Variants in OAS3 observed in about 807,000 individuals in gnomAD.
OAS3 encodes 2'-5'-oligoadenylate synthase 3.
OAS3 carries 107 observed loss-of-function variants against 113.0 expected under a neutral mutation model. The observed-to-expected ratio is 0.95, with a 90% CI of 0.81 to 1.11. The LOEUF is 1.11. Ranked by LOEUF, OAS3 falls within the 50% of genes most tolerant of loss-of-function variation. The pLI is 0.00. For missense variants in OAS3, 1,258 were observed against 1,389.1 expected, an observed-to-expected ratio of 0.91 and a Z score of 1.50; for synonymous variants, 552 against 573.6, an observed-to-expected ratio of 0.96 and a Z score of 0.54.
At position 112,970,100 on chromosome 12, in the gene OAS3, ATGTGTGTG is replaced by A; in HGVS notation, c.*128_*135del. 3 of 1,100,414 alleles carry A rather than the reference ATGTGTGTG, an allele frequency of 2.7e-6. No individual in the cohort carries two copies. Among genetic ancestry groups the A allele is most frequent in the Non-Finnish European group, 4.1e-6 (3 of 736,754 alleles). The allele number at this position is 1,100,414 out of a possible 1,614,324, so 68.2% of individuals were successfully genotyped here. A position where few individuals can be genotyped will look rare whatever the true frequency, so the allele number is the denominator to read the frequency against. ...CATGTGTGTGTGAGCACATGTGTGC[ATGTGTGTG>A]CACACGTGTGCATGTGTGTGTTTTA... On this transcript the variant is annotated 3_prime_UTR_variant, in exon 16 of 16. Coordinates refer to ENST00000228928, the MANE Select transcript of OAS3 (RefSeq NM_006187.4).
chr12:112,964,026 G>A (rs1038044702), intron 10 of OAS3, among the ~76,000 whole-genome samples: 1 of 152,164 alleles, frequency 6.6e-6, no homozygotes, highest in African/African-American at 2.4e-5. Context: ...ATTTAAACAT[G>A]GGGAAACTGA....
intron 7 of OAS3, among the ~76,000 whole-genome samples, chr12:112,953,204 T>G (rs1033253828): frequency 6.6e-6 from 1 of 151,982 alleles, no homozygotes; most frequent in Admixed American, 6.6e-5. Flanking sequence ...GTTCTCATTG[T>G]TCAGTTCCCA....
chr12:112,951,027 A>C, intron 7 of OAS3, 52 bp downstream of exon 7: 1 of 1,544,908 alleles, frequency 6.5e-7, no homozygotes, highest in African/African-American at 1.4e-5. Flanking sequence ...TCAGGCGCCC[A>C]TCTAACAGGG....
At chr12:112,947,160 G>A (rs1433247855) in intron 4 of OAS3, among the ~76,000 whole-genome samples, 179 bp downstream of exon 4, 2 of 152,132 alleles carry the variant, frequency 1.3e-5, no homozygotes, top group Non-Finnish European at 2.9e-5. Context: ...TTACCTGGGG[G>A]AGTTTTAAAA....
intron 3 of OAS3, among the ~76,000 whole-genome samples, chr12:112,946,287 T>G (rs1286892361): frequency 6.6e-6 from 1 of 151,886 alleles, no homozygotes; most frequent in Non-Finnish European, 1.5e-5. Context: ...CAAATAGAAA[T>G]CATGCATTTT....
intron 7 of OAS3, among the ~76,000 whole-genome samples, chr12:112,952,971 T>C (rs975853491): frequency 6.6e-6 from 1 of 152,202 alleles, no homozygotes; most frequent in Admixed American, 6.5e-5. Flanking sequence ...TGTATCTGTG[T>C]ATAGAATTCT....
At chr12:112,947,807 A>T in intron 4 of OAS3, 139 bp from the exon 5 acceptor site, 1 of 713,328 alleles carries the variant, frequency 1.4e-6, no homozygotes, top group Non-Finnish European at 2.2e-6. Flanking sequence ...GCGGATAAGG[A>T]AATCGAGGCT....
intron 8 of OAS3, 89 bp downstream of exon 8, chr12:112,961,335 C>A: frequency 8.4e-7 from 1 of 1,196,374 alleles, no homozygotes; most frequent in South Asian, 1.5e-5. Flanking sequence ...CCACATCTCC[C>A]CTCCTTTGCT....
rs531074940 is a variant in OAS3 at position 112,948,886 on chromosome 12, G to A, written c.1055G>A (p.Gly352Asp). 6.3e-6 allele frequency: 10 copies of A among 1,590,822 alleles called. No homozygotes were observed. Among genetic ancestry groups the A allele is most frequent in the African/African-American group, 5.4e-5 (4 of 74,402 alleles). ...GPGLPRAGCS[G>D]LGHPIQLDPN... ...GGCCTTCCACGTGCTGGATGCTCAG[G>A]TTTGGGCCACCCCATCCAGCTAGAC... Residue 352 changes from glycine to aspartate, a missense_variant, in exon 6 of 16, where the codon GGT (glycine) becomes GAT (aspartate). Coordinates refer to ENST00000228928, the MANE Select transcript of OAS3 (RefSeq NM_006187.4).
chr12:112,946,781 G>C lies in OAS3; in HGVS notation c.675G>C (p.Pro225=), dbSNP rs767956421. The C allele has an allele frequency of 6.2e-7, 1 of 1,612,990 alleles. No homozygotes were observed. Among genetic ancestry groups the C allele is most frequent in the Non-Finnish European group, 8.5e-7 (1 of 1,179,552 alleles). Residue 225 remains proline, a synonymous_variant, in exon 4 of 16, where the codon CCG becomes CCC. Transcript: ENST00000228928. ...GGTTGTGGAAGGAGACGCTGCCCCC[G>C]GTCTATGCCCTGGAATTGCTGACCA... is the stretch of plus-strand genomic sequence containing the variant. ...LQGLWKETLP[P]VYALELLTIF... is the part of the protein sequence containing the mutation.
chr12:112,963,474 T>C lies in OAS3; in HGVS notation c.2229+17T>C. The stretch of plus-strand genomic sequence containing the variant: ...GATGTGATGGTAAGATGGAGGGTCC[T>C]GGGGGGCAGGGGGCCCTGCACCCTG... On this transcript the variant is annotated intron_variant, in intron 10 of 15. Transcript: ENST00000228928. The surrounding 1 kb of genome is among the most constrained non-coding windows in gnomAD (Gnocchi z 4.6). The C allele has an allele frequency of 6.6e-7, 1 of 1,516,714 alleles. No individual in the cohort carries two copies. Among genetic ancestry groups the C allele is most frequent in the Non-Finnish European group, 8.9e-7 (1 of 1,126,512 alleles). The allele number at this position is 1,516,714 out of a possible 1,614,324, so 94.0% of individuals were successfully genotyped here. A position where few individuals can be genotyped will look rare whatever the true frequency, so the allele number is the denominator to read the frequency against.
At chr12:112,966,124 A>T (rs1246288448) in intron 12 of OAS3, 95 bp downstream of exon 12, 1 of 1,211,424 alleles carries the variant, frequency 8.3e-7, no homozygotes, top group Non-Finnish European at 1.2e-6. Flanking sequence ...ACCAGGCCAC[A>T]TCTGTTCGCA....
At chr12:112,942,349 G>T (rs772699782) in intron 2 of OAS3, 1 of 191,660 alleles carries the variant, frequency 5.2e-6, no homozygotes, top group Non-Finnish European at 1.1e-5. Context: ...ATACTAATGG[G>T]GATAATAGTA....
chr12:112,946,173 G>C (rs934230437), intron 3 of OAS3, among the ~76,000 whole-genome samples: 1 of 152,212 alleles, frequency 6.6e-6, no homozygotes, highest in African/African-American at 2.4e-5. Context: ...TCACTTTCTG[G>C]CATGCTGAAG....
chr12:112,960,827 A>G (rs1234836555), intron 7 of OAS3, among the ~76,000 whole-genome samples: 1 of 152,204 alleles, frequency 6.6e-6, no homozygotes, highest in Non-Finnish European at 1.5e-5. Flanking sequence ...CAAAAAATAA[A>G]TAGAAGATTA....
At chr12:112,945,056 A>G (rs1593174781) in intron 3 of OAS3, 1 of 295,576 alleles carries the variant, frequency 3.4e-6, no homozygotes, top group Non-Finnish European at 6.6e-6. Context: ...TCATGGCTGG[A>G]ATCCCAGCAC....
At position 112,967,561 on chromosome 12, in the gene OAS3, C is replaced by T. The variant is rs767273734; in HGVS notation, c.2833C>T (p.Leu945=). The T allele has an allele frequency of 6.2e-7, 1 of 1,613,826 alleles. No individual in the cohort carries two copies. Among genetic ancestry groups the T allele is most frequent in the South Asian group, 1.1e-5 (1 of 91,018 alleles). Residue 945 remains leucine, a synonymous_variant, in exon 13 of 16, where the codon CTG becomes TTG. Coordinates refer to ENST00000228928, the MANE Select transcript of OAS3 (RefSeq NM_006187.4). ...CTCTCGCCCTACCAAGCTGAAGAGC[C>T]TGATCCGGCTGGTGAAGCACTGGTA... is the stretch of plus-strand genomic sequence containing the variant. ...IISRPTKLKS[L]IRLVKHWYQQ...
intron 12 of OAS3, among the ~76,000 whole-genome samples, chr12:112,966,836 A>C (rs1270951210): frequency 6.6e-6 from 1 of 152,086 alleles, no homozygotes; most frequent in Non-Finnish European, 1.5e-5. Context: ...AGAGATGGGG[A>C]TATGACTATG....
Position 112,961,099 on chromosome 12 carries a change from T to C in OAS3, c.1686T>C (p.Asn562=). 6.2e-7 allele frequency: 1 copy of C among 1,613,572 alleles called. No individual in the cohort carries two copies. The highest frequency in any genetic ancestry group is 8.5e-7 in the Non-Finnish European group (1 of 1,179,828). ...AGCTCAGTTCTGGCACCAAACCAAATCCCCAGGTCTACTCGAGGCTCCTCA... is the reference window on the plus strand; with the variant it reads ...AGCTCAGTTCTGGCACCAAACCAAACCCCCAGGTCTACTCGAGGCTCCTCA... ...VGQLSSGTKP[N]PQVYSRLLTS... The change falls in exon 8 of 16, where the codon AAT becomes AAC. Residue 562 remains asparagine (N), a synonymous_variant. Coordinates refer to ENST00000228928, the MANE Select transcript of OAS3 (RefSeq NM_006187.4).
Sources: allele counts gnomAD v4.1 joint callset (sites outside exome capture counted in the v4.1 genomes callset), GRCh38; gene constraint gnomAD v4.1.1; non-coding constraint Gnocchi (gnomAD v3.1); transcripts MANE v1.5; gene names NCBI Gene and HGNC (gene_info 2026-07-23, HGNC 2026-07-21).